SLC2A9: variants seen among roughly 807,000 people sequenced by gnomAD.
SLC2A9 encodes solute carrier family 2, facilitated glucose transporter member 9.
A neutral mutation model predicts 50.6 loss-of-function variants in SLC2A9; 39 were observed. That is an observed-to-expected ratio of 0.77 (90% CI 0.60 to 1.01). The LOEUF (loss-of-function observed/expected upper bound fraction) is 1.01. Among genes scored for constraint, SLC2A9 ranks in the 50% least tolerant of loss-of-function variants. The pLI is 0.00. For synonymous variants in SLC2A9, 324 were observed against 276.9 expected (o/e 1.17, Z -1.69); for missense variants, 686 against 677.6 (o/e 1.01, Z -0.14).
At chr4:9,990,616 C>A (rs145216813) in intron 3 of SLC2A9, among the ~76,000 whole-genome samples, 1 of 152,054 alleles carries the variant, frequency 6.6e-6, no homozygotes, top group Non-Finnish European at 1.5e-5. Flanking sequence ...CCGGCTCATG[C>A]GTCTGTAATA....
chr4:9,994,087 A>G (rs932366505), intron 3 of SLC2A9, among the ~76,000 whole-genome samples: 18 of 152,234 alleles, frequency 1.2e-4, no homozygotes, highest in Non-Finnish European at 2.2e-4. Flanking sequence ...GAGGAATAAC[A>G]GAGCATCAGG....
rs370675445 is a variant in SLC2A9, at chr4:10,013,424, C to T, written c.249+5551G>A. Among the ~76,000 whole-genome samples, 18 of 152,324 alleles carry T rather than the reference C, an allele frequency of 1.2e-4. No individual in the cohort carries two copies. The East Asian group carries it at 1.5e-3, about 13-fold the overall frequency. On this transcript the variant is annotated intron_variant, in intron 2 of 11. Coordinates refer to ENST00000264784, the MANE Select transcript of SLC2A9 (RefSeq NM_020041.3). Reference sequence around the variant, plus strand: ...AAGTTGGGTGGCCAGGAGGCACATCCAGGTGACTGTGTTGAGGAGAAGCCA... The same window carrying T: ...AAGTTGGGTGGCCAGGAGGCACATCTAGGTGACTGTGTTGAGGAGAAGCCA...
chr4:9,903,794 C>T (rs1740105244), intron 8 of SLC2A9, among the ~76,000 whole-genome samples: 1 of 146,694 alleles, frequency 6.8e-6, no homozygotes, highest in South Asian at 2.1e-4. Context: ...TATTTATTGC[C>T]TTCTTTTCAA....
chr4:9,866,610 G>C lies in SLC2A9; in HGVS notation c.1291+20957C>G, dbSNP rs372146008. Among the ~76,000 whole-genome samples, 15 of 152,268 alleles carry C rather than the reference G, an allele frequency of 9.9e-5. No homozygotes were observed. In the East Asian group the frequency reaches 1.9e-3, roughly 20 times the overall value. On this transcript the variant is annotated intron_variant, in intron 10 of 11. Transcript: ENST00000264784. Reference sequence around the variant, plus strand: ...AGAACTGGGGAAGGAAGATGGGGCTGAGACCTGGGATCCCAGGCAAAATGG... The same window carrying C: ...AGAACTGGGGAAGGAAGATGGGGCTCAGACCTGGGATCCCAGGCAAAATGG...
chr4:9,997,268 C>T (rs1758845105), intron 2 of SLC2A9, among the ~76,000 whole-genome samples: 1 of 152,002 alleles, frequency 6.6e-6, no homozygotes, highest in African/African-American at 2.4e-5. Flanking sequence ...AACTGAGGCT[C>T]AGGGAGACAA....
intron 8 of SLC2A9, among the ~76,000 whole-genome samples, chr4:9,893,100 C>T (rs760352340): frequency 5.9e-5 from 9 of 152,158 alleles, no homozygotes; most frequent in Non-Finnish European, 8.8e-5. Flanking sequence ...GTTGTTGTGA[C>T]ATTACATTTT....
chr4:9,852,888 G>A lies in SLC2A9; in HGVS notation c.1292-17880C>T, dbSNP rs913649713. Among the ~76,000 whole-genome samples the A allele has an allele frequency of 3.3e-5, 5 of 152,262 alleles. No individual in the cohort carries two copies. In the South Asian group the frequency reaches 8.3e-4, roughly 25 times the overall value. ...AACCTTGAATGTAAATGGGCAAAATGCCCCAATTAAAAGGCACAGAGGCCA... is the reference window on the plus strand; with the variant it reads ...AACCTTGAATGTAAATGGGCAAAATACCCCAATTAAAAGGCACAGAGGCCA... On this transcript the variant is annotated intron_variant, in intron 10 of 11. Coordinates refer to ENST00000264784, the MANE Select transcript of SLC2A9 (RefSeq NM_020041.3).
intron 3 of SLC2A9, among the ~76,000 whole-genome samples, chr4:9,991,787 A>T (rs1757757677): frequency 6.6e-6 from 1 of 152,222 alleles, no homozygotes; most frequent in Non-Finnish European, 1.5e-5. Flanking sequence ...TCTGCAAGCC[A>T]TGGAGAGAAG....
At chr4:9,890,907 G>C (rs1577724729) in intron 8 of SLC2A9, among the ~76,000 whole-genome samples, 196 bp from the exon 9 acceptor site, 1 of 152,208 alleles carries the variant, frequency 6.6e-6, no homozygotes, top group East Asian at 1.9e-4. Context: ...GGGAGAGAAA[G>C]TCACAATTCT....
intron 10 of SLC2A9, among the ~76,000 whole-genome samples, chr4:9,851,516 A>G (rs1356269905): frequency 6.6e-6 from 1 of 152,228 alleles, no homozygotes; most frequent in East Asian, 1.9e-4. Flanking sequence ...AAAAAGCCAG[A>G]GTATCTTTTT....
At chr4:9,896,061 A>G (rs1209039267) in intron 8 of SLC2A9, among the ~76,000 whole-genome samples, 1 of 152,238 alleles carries the variant, frequency 6.6e-6, no homozygotes, top group Admixed American at 6.5e-5. Context: ...CTGAGAAATA[A>G]AACCATTATG....
At chr4:9,832,537 T>C (rs976509194) in intron 11 of SLC2A9, among the ~76,000 whole-genome samples, 1 of 152,174 alleles carries the variant, frequency 6.6e-6, no homozygotes, top group African/African-American at 2.4e-5. Flanking sequence ...GAATGACCCC[T>C]GAAAACCCAG....
intron 3 of SLC2A9, among the ~76,000 whole-genome samples, chr4:9,991,504 A>G (rs1757712878): frequency 6.6e-6 from 1 of 152,110 alleles, no homozygotes; most frequent in Non-Finnish European, 1.5e-5. Context: ...TTGCACCTCC[A>G]CAGAAGAAAC....
intron 5 of SLC2A9, among the ~76,000 whole-genome samples, chr4:9,951,829 A>G (rs1301296256): frequency 6.6e-6 from 1 of 152,270 alleles, no homozygotes; most frequent in East Asian, 1.9e-4. Context: ...TGAAAAGTAA[A>G]ATTGTCAGAA....
intron 2 of SLC2A9, among the ~76,000 whole-genome samples, chr4:10,000,674 G>T (rs1454661827): frequency 6.6e-6 from 1 of 152,116 alleles, no homozygotes; most frequent in Non-Finnish European, 1.5e-5. Context: ...AGGTCTCTTG[G>T]TGCTAAGAGG....
In SLC2A9 at chr4:9,819,921, G is replaced by C. The variant is rs556412570; in HGVS notation, n.420+6499C>G. Among the ~76,000 whole-genome samples, 4 of 152,312 alleles carry C rather than the reference G, an allele frequency of 2.6e-5. No homozygotes were observed. The South Asian group carries it at 8.3e-4, about 32-fold the overall frequency. The stretch of plus-strand genomic sequence containing the variant: ...TGCACTCCAGCCTGGGTGACAGAGC[G>C]AGACTCCGTCTCAAAACAACAACAA... On this transcript the variant is annotated intron_variant and non_coding_transcript_variant, in intron 3 of 3. Transcript: ENST00000503280.
intron 6 of SLC2A9, among the ~76,000 whole-genome samples, chr4:9,931,689 C>G (rs1275904225): frequency 2.0e-5 from 3 of 151,958 alleles, no homozygotes; most frequent in Non-Finnish European, 4.4e-5. Flanking sequence ...GGCTGAGAGG[C>G]TAAGGAGCCA....
At chr4:9,848,004 A>G (rs9992815) in intron 10 of SLC2A9, among the ~76,000 whole-genome samples, 23,109 of 152,050 alleles carry the variant, frequency 0.15, 2,314 homozygotes, top group African/African-American at 0.28. Flanking sequence ...CCCCAACCCA[A>G]TATTTCAGGT....
At chr4:9,992,843 C>T (rs545769496) in intron 3 of SLC2A9, among the ~76,000 whole-genome samples, 16 of 152,366 alleles carry the variant, frequency 1.1e-4, no homozygotes, top group South Asian at 1.0e-3. Context: ...TCCTTAGTGA[C>T]ATGAGACACT....
Sources: gnomAD v4.1 joint callset for allele counts (sites outside exome capture counted in the v4.1 genomes callset) on GRCh38, gnomAD v4.1.1 for gene constraint, MANE v1.5 for transcripts, NCBI Gene and HGNC (gene_info 2026-07-23, HGNC 2026-07-21) for gene names.